The following MCU variants were observed in gnomAD, a reference collection of about 807,000 sequenced individuals.
MCU encodes the protein calcium uniporter protein, mitochondrial.
Under a neutral mutation model 45.2 loss-of-function variants are expected in MCU, and 12 were observed. The observed-to-expected ratio is 0.27, with a 90% CI of 0.17 to 0.43. The LOEUF (loss-of-function observed/expected upper bound fraction) is 0.43, where lower values mean the gene tolerates loss of function less well. Ranked by LOEUF, MCU falls within the 20% of genes least tolerant of loss-of-function variation. The probability of loss-of-function intolerance (pLI) is 1.00; values close to 1 mark genes in which losing one functional copy is unlikely to be tolerated. For synonymous variants in MCU, 160 were observed against 165.1 expected, an observed-to-expected ratio of 0.97 and a Z score of 0.24; for missense variants, 324 against 436.7, an observed-to-expected ratio of 0.74 and a Z score of 2.30.
intron 1 of MCU, among the ~76,000 whole-genome samples, chr10:72,763,364 A>C (rs1299446724): frequency 6.6e-6 from 1 of 152,152 alleles, no homozygotes; most frequent in Non-Finnish European, 1.5e-5. Flanking sequence ...TTCGAGGAGC[A>C]GATCAGCTGG....
In MCU at chr10:72,884,356, A is replaced by C; in HGVS notation, c.952A>C (p.Asn318His). ...GTCACGTTTTGACCTAGAGAAATAC[A>C]ATCAACTCAAGGATGCAATTGCTCA... Reference protein sequence around the residue: ...KKSRFDLEKYNQLKDAIAQAE... With the variant: ...KKSRFDLEKYHQLKDAIAQAE... Residue 318 changes from asparagine (N) to histidine (H), a missense_variant, in exon 7 of 8, where the codon AAT becomes CAT. Physicochemically the swap from Asn to His is moderately conservative, Grantham distance 68. Coordinates refer to ENST00000373053, the MANE Select transcript of MCU (RefSeq NM_138357.3). The C allele has an allele frequency of 6.2e-7, 1 of 1,607,808 alleles. No homozygotes were observed. Among genetic ancestry groups the C allele is most frequent in the Non-Finnish European group, 8.5e-7 (1 of 1,174,466 alleles).
intron 1 of MCU, among the ~76,000 whole-genome samples, chr10:72,782,309 A>G (rs1388463703): frequency 1.3e-5 from 2 of 152,046 alleles, no homozygotes; most frequent in African/African-American, 2.4e-5. Flanking sequence ...TGCTTTTTCA[A>G]ATACTCTTTT....
At chr10:72,709,214 C>A (rs1215244897) in intron 1 of MCU, among the ~76,000 whole-genome samples, 2 of 152,144 alleles carry the variant, frequency 1.3e-5, no homozygotes, top group Non-Finnish European at 2.9e-5. Context: ...TTGTGTATTT[C>A]CATTCTGTCC....
chr10:72,790,024 A>G (rs564950221), intron 1 of MCU, among the ~76,000 whole-genome samples: 20 of 152,280 alleles, frequency 1.3e-4, no homozygotes, highest in African/African-American at 4.8e-4. Flanking sequence ...CACTTCTGAT[A>G]TATTTGCTGG....
chr10:72,782,619 T>C (rs1322437579), intron 1 of MCU, among the ~76,000 whole-genome samples: 3 of 152,192 alleles, frequency 2.0e-5, no homozygotes, highest in East Asian at 1.9e-4. Context: ...CTACCCGCCT[T>C]GGCCTCCCAA....
chr10:72,814,837 C>CA (rs1844601113), intron 1 of MCU, among the ~76,000 whole-genome samples: 1 of 151,630 alleles, frequency 6.6e-6, no homozygotes, highest in Admixed American at 6.6e-5. Context: ...TGATCTGTTA[C>CA]AAAAAATAAG....
intron 2 of MCU, among the ~76,000 whole-genome samples, chr10:72,856,177 T>G (rs1252430723): frequency 6.6e-6 from 1 of 152,206 alleles, no homozygotes. Context: ...GTGATTTTAT[T>G]TATATAAAAA....
chr10:72,813,056 C>G (rs953737004), intron 1 of MCU, among the ~76,000 whole-genome samples: 1 of 152,094 alleles, frequency 6.6e-6, no homozygotes, highest in Admixed American at 6.5e-5. Flanking sequence ...AGTTCCTAGC[C>G]CAGTGTCCTA....
chr10:72,717,303 A>G (rs1468909152), intron 1 of MCU, among the ~76,000 whole-genome samples: 1 of 151,066 alleles, frequency 6.6e-6, no homozygotes, highest in Non-Finnish European at 1.5e-5. Context: ...TCTGTCGCGC[A>G]GGCTGGAGTG....
At chr10:72,861,335 T>G (rs1845372008) in intron 4 of MCU, among the ~76,000 whole-genome samples, 1 of 152,072 alleles carries the variant, frequency 6.6e-6, no homozygotes, top group Non-Finnish European at 1.5e-5. Context: ...CTGTATATGC[T>G]TTTATGGGAA....
chr10:72,884,216 G>A, intron 6 of MCU, 50 bp from the exon 7 acceptor site: 2 of 1,067,732 alleles, frequency 1.9e-6, no homozygotes, highest in Non-Finnish European at 2.9e-6. Context: ...TAAATATTTT[G>A]TGAAGATAGT....
At chr10:72,771,279 A>C (rs533089294) in intron 1 of MCU, among the ~76,000 whole-genome samples, 1 of 152,222 alleles carries the variant, frequency 6.6e-6, no homozygotes, top group South Asian at 2.1e-4. Context: ...CTTATGAGTG[A>C]GAACATGTGG....
At chr10:72,730,170 A>G (rs1209286429) in intron 1 of MCU, among the ~76,000 whole-genome samples, 1 of 151,970 alleles carries the variant, frequency 6.6e-6, no homozygotes, top group Non-Finnish European at 1.5e-5. Context: ...CCTGTTGGCC[A>G]GGCTGGTATC....
chr10:72,762,087 C>A (rs988609577), intron 1 of MCU, among the ~76,000 whole-genome samples: 1 of 152,102 alleles, frequency 6.6e-6, no homozygotes, highest in African/African-American at 2.4e-5. Flanking sequence ...ATTTGGAAAT[C>A]TTCAGAAAGT....
intron 7 of MCU, among the ~76,000 whole-genome samples, chr10:72,885,321 A>AT (rs1429796387): frequency 2.0e-5 from 3 of 152,220 alleles, no homozygotes; most frequent in Non-Finnish European, 4.4e-5. Flanking sequence ...CTGTTCCAAA[A>AT]TTCACTGGCT....
chr10:72,829,363 T>A (rs1844845467), intron 1 of MCU, among the ~76,000 whole-genome samples: 1 of 151,798 alleles, frequency 6.6e-6, no homozygotes, highest in Admixed American at 6.6e-5. Context: ...ATTTTCCCTT[T>A]CTCTGATAAT....
intron 1 of MCU, chr10:72,736,473 G>A (rs1298769796): frequency 6.6e-6 from 1 of 152,148 alleles, no homozygotes; most frequent in Non-Finnish European, 1.5e-5. Context: ...GACATCTTTT[G>A]TTTTTCCCCA....
chr10:72,878,967 T>TA (rs753959125), intron 6 of MCU, among the ~76,000 whole-genome samples: 4 of 152,104 alleles, frequency 2.6e-5, no homozygotes, highest in Non-Finnish European at 4.4e-5. Flanking sequence ...CCAGCCAATA[T>TA]AAAAAAGGAA....
At chr10:72,711,190 A>AG (rs1451621721) in intron 1 of MCU, among the ~76,000 whole-genome samples, 3 of 151,328 alleles carry the variant, frequency 2.0e-5, no homozygotes, top group East Asian at 3.9e-4. Context: ...AAAAAAAAAA[A>AG]GTATTACACT....
Sources: gnomAD v4.1 joint callset for allele counts (sites outside exome capture counted in the v4.1 genomes callset) on GRCh38, gnomAD v4.1.1 for gene constraint, MANE v1.5 for transcripts, NCBI Gene and HGNC (gene_info 2026-07-23, HGNC 2026-07-21) for gene names.